The following CPPED1 variants were observed in gnomAD, a reference collection of about 807,000 sequenced individuals.
The protein encoded by CPPED1 is calcineurin like phosphoesterase domain containing 1.
A neutral mutation model predicts 28.0 loss-of-function variants in CPPED1; 28 were observed. The ratio of observed to expected loss-of-function variants is 1.00; its 90% confidence interval spans 0.74 to 1.37. The LOEUF (loss-of-function observed/expected upper bound fraction) is 1.37. Among genes scored for constraint, CPPED1 ranks in the 40% most tolerant of loss-of-function variants. The pLI, the probability that CPPED1 is intolerant of heterozygous loss-of-function variation, is 0.00. For synonymous variants in CPPED1, 198 were observed against 180.2 expected (o/e 1.10, Z -0.79); for missense variants, 504 against 416.5 (o/e 1.21, Z -1.83).
At chr16:12,747,410 C>T (rs1266307993) in intron 2 of CPPED1, among the ~76,000 whole-genome samples, 3 of 149,350 alleles carry the variant, frequency 2.0e-5, no homozygotes, top group Admixed American at 6.7e-5. Context: ...CCAGCCTGGA[C>T]GAAAAGGGGG....
At chr16:12,729,922 C>T (rs1012408133) in intron 2 of CPPED1, among the ~76,000 whole-genome samples, 6 of 152,218 alleles carry the variant, frequency 3.9e-5, no homozygotes, top group African/African-American at 1.2e-4. Flanking sequence ...AGTACAGCGG[C>T]GTGACCACAG....
intron 2 of CPPED1, among the ~76,000 whole-genome samples, chr16:12,777,641 TC>T (rs1349237489): frequency 1.3e-5 from 2 of 152,208 alleles, no homozygotes. Flanking sequence ...AGCCTGTATC[TC>T]TTAAGGATTT....
At chr16:12,741,779 G>A (rs1286824569) in intron 2 of CPPED1, among the ~76,000 whole-genome samples, 1 of 152,182 alleles carries the variant, frequency 6.6e-6, no homozygotes, top group Non-Finnish European at 1.5e-5. Flanking sequence ...GACCTGGCGT[G>A]GTGGTTCACG....
chr16:12,751,468 A>G (rs2080328395), intron 2 of CPPED1, among the ~76,000 whole-genome samples: 1 of 152,214 alleles, frequency 6.6e-6, no homozygotes, highest in African/African-American at 2.4e-5. Context: ...ACCTCCTTGA[A>G]AAGTCCTTTT....
At chr16:12,787,619 C>T (rs2080572094) in intron 1 of CPPED1, among the ~76,000 whole-genome samples, 1 of 151,706 alleles carries the variant, frequency 6.6e-6, no homozygotes, top group African/African-American at 2.4e-5. Flanking sequence ...GTTGGCCAGG[C>T]TGGTTTTGAA....
At chr16:12,677,279 G>A (rs188244384) in intron 3 of CPPED1, among the ~76,000 whole-genome samples, 149 of 152,366 alleles carry the variant, frequency 9.8e-4, no homozygotes, top group Non-Finnish European at 1.5e-3. Flanking sequence ...AGGCGAGGGC[G>A]GGGAAAGGCG....
rs143636179 is a variant in CPPED1 at position 12,736,917 on chromosome 16, C to T, written c.290-31868G>A. ...AAAATCAGAGATCATCAGATGGGTG[C>T]GGTGGCTCACCCCTGTAATCCCAGC... On this transcript the variant is annotated intron_variant, in intron 2 of 3. Coordinates refer to ENST00000381774, the MANE Select transcript of CPPED1 (RefSeq NM_018340.3). 8.5e-5 allele frequency among the ~76,000 whole-genome samples: 13 copies of T among 152,146 alleles called. No individual in the cohort carries two copies. The East Asian group carries it at 1.7e-3, about 20-fold the overall frequency.
chr16:12,665,206 A>C, intron 3 of CPPED1, 91 bp from the exon 4 acceptor site: 5 of 1,022,644 alleles, frequency 4.9e-6, no homozygotes, highest in Non-Finnish European at 5.5e-6. Context: ...ACAGTAATAT[A>C]TTAAATATAT....
At chr16:12,685,147 A>C (rs1238561489) in intron 3 of CPPED1, among the ~76,000 whole-genome samples, 3 of 152,218 alleles carry the variant, frequency 2.0e-5, no homozygotes, top group African/African-American at 7.2e-5. Context: ...AATTTTAAAA[A>C]GGGGACAATA....
chr16:12,753,577 C>T (rs2080344901), intron 2 of CPPED1, among the ~76,000 whole-genome samples: 1 of 152,136 alleles, frequency 6.6e-6, no homozygotes, highest in Admixed American at 6.5e-5. Flanking sequence ...CCCTCCCCTC[C>T]TCCTCCAGGT....
intron 3 of CPPED1, among the ~76,000 whole-genome samples, chr16:12,672,547 C>T (rs1166731552): frequency 6.6e-6 from 1 of 152,138 alleles, no homozygotes; most frequent in Non-Finnish European, 1.5e-5. Flanking sequence ...TAACGTATGC[C>T]TTAGAAGGTT....
chr16:12,780,816 T>C (rs2080525904), intron 2 of CPPED1, among the ~76,000 whole-genome samples: 1 of 149,610 alleles, frequency 6.7e-6, no homozygotes, highest in African/African-American at 2.5e-5. Context: ...AAGGGAGAAA[T>C]AAAAGTGTAA....
rs779729753 is a variant in CPPED1, at chr16:12,803,762, C to T, written c.15G>A (p.Glu5=). 1.3e-6 allele frequency: 2 copies of T among 1,598,952 alleles called. No homozygotes were observed. The highest frequency in any genetic ancestry group is 1.1e-5 in the South Asian group (1 of 88,860). MSAA[E]AGGVFHRARG... ...TGGCTCTGTGGAAAACACCCCCCGC[C>T]TCTGCAGCCGACATGGCGAGCGAGT... The change falls in exon 1 of 4, where the codon GAG becomes GAA. Residue 5 remains glutamate, a synonymous_variant. Transcript: ENST00000381774.
intron 2 of CPPED1, among the ~76,000 whole-genome samples, chr16:12,711,255 G>A (rs554723870): frequency 2.1e-4 from 32 of 152,330 alleles, no homozygotes; most frequent in Middle Eastern, 3.4e-3. Flanking sequence ...ACTGTTTGAT[G>A]TCACTTATAT....
intron 2 of CPPED1, among the ~76,000 whole-genome samples, chr16:12,740,305 C>T (rs1013781859): frequency 1.3e-5 from 2 of 151,920 alleles, no homozygotes; most frequent in Admixed American, 6.6e-5. Context: ...ATTAGCCGGG[C>T]ATGACGGCAG....
At chr16:12,784,990 G>A (rs182577983) in intron 1 of CPPED1, among the ~76,000 whole-genome samples, 1 of 152,298 alleles carries the variant, frequency 6.6e-6, no homozygotes, top group Non-Finnish European at 1.5e-5. Flanking sequence ...TCACATATCA[G>A]TATTCAATCT....
At chr16:12,768,607 C>G (rs1166462333) in intron 2 of CPPED1, among the ~76,000 whole-genome samples, 1 of 152,186 alleles carries the variant, frequency 6.6e-6, no homozygotes, top group Non-Finnish European at 1.5e-5. Flanking sequence ...TATGTACACA[C>G]AGGTGTGGGC....
chr16:12,707,287 G>A (rs1413321813), intron 2 of CPPED1, among the ~76,000 whole-genome samples: 1 of 152,232 alleles, frequency 6.6e-6, no homozygotes, highest in African/African-American at 2.4e-5. Flanking sequence ...GGGGATTTTG[G>A]GATATTCAAT....
intron 3 of CPPED1, among the ~76,000 whole-genome samples, chr16:12,676,808 A>G (rs1287220659): frequency 6.6e-6 from 1 of 152,152 alleles, no homozygotes; most frequent in African/African-American, 2.4e-5. Context: ...ATCTGTCTAG[A>G]CATTGTTCTA....
Sources: allele counts gnomAD v4.1 joint callset (sites outside exome capture counted in the v4.1 genomes callset), GRCh38; gene constraint gnomAD v4.1.1; transcripts MANE v1.5; gene names NCBI Gene and HGNC (gene_info 2026-07-23, HGNC 2026-07-21).